CDH9: variants seen among roughly 807,000 people sequenced by gnomAD.
The protein encoded by CDH9 is cadherin 9, also known as cadherin-9.
A neutral mutation model predicts 70.9 loss-of-function variants in CDH9; 28 were observed. The observed-to-expected ratio is 0.40, with a 90% CI of 0.29 to 0.54. CDH9 has a LOEUF of 0.54. Among genes scored for constraint, CDH9 ranks in the 20% least tolerant of loss-of-function variants. The pLI, the probability that CDH9 is intolerant of heterozygous loss-of-function variation, is 0.59. For synonymous variants in CDH9, 409 were observed against 343.1 expected, an observed-to-expected ratio of 1.19 and a Z score of -2.12; for missense variants, 874 against 984.4, an observed-to-expected ratio of 0.89 and a Z score of 1.50.
intron 2 of CDH9, among the ~76,000 whole-genome samples, chr5:26,978,615 C>A: frequency 6.6e-6 from 1 of 150,526 alleles, no homozygotes. Context: ...ATTTTAAAAT[C>A]CAATGAAAAC....
In CDH9 at chr5:26,998,733, T is replaced by TA. The variant is rs945486992; in HGVS notation, c.-49-10352dup. Among the ~76,000 whole-genome samples the TA allele has an allele frequency of 9.3e-3, 1,352 of 144,614 alleles. 11 individuals are homozygous for TA. Among genetic ancestry groups the TA allele is most frequent in the African/African-American group, 0.015 (576 of 39,316 alleles). 94.9% of individuals were successfully genotyped at this position (144,614 alleles called of 152,430 possible). The stretch of plus-strand genomic sequence containing the variant: ...TACCCTAAAACTTAAAGTATAATAA[T>TA]AAAAAAAAAAGAAAATCAGAGGAAA... On this transcript the variant is annotated intron_variant, in intron 1 of 11. Transcript: ENST00000231021.
At position 26,915,685 on chromosome 5, in the gene CDH9, C is replaced by T. The variant is rs192967586; in HGVS notation, c.468G>A (p.Glu156=). ...IIKIHDINDN[E]PKFTKDLYTA... Reference sequence around the variant, plus strand: ...TGTATAAGTCTTTTGTAAATTTTGGCTCATTGTCATTGATATCATGTATTT... The same window carrying T: ...TGTATAAGTCTTTTGTAAATTTTGGTTCATTGTCATTGATATCATGTATTT... The change falls in exon 3 of 12, where the codon GAG becomes GAA. Residue 156 remains glutamate, a synonymous_variant. Coordinates refer to ENST00000231021, the MANE Select transcript of CDH9 (RefSeq NM_016279.4). 3 of 1,610,968 alleles carry T rather than the reference C, an allele frequency of 1.9e-6. No homozygotes were observed. In the East Asian group the frequency reaches 6.7e-5, roughly 36 times the overall value.
intron 2 of CDH9, among the ~76,000 whole-genome samples, chr5:26,935,895 A>G (rs1488462313): frequency 6.6e-6 from 1 of 152,210 alleles, no homozygotes; most frequent in Non-Finnish European, 1.5e-5. Flanking sequence ...TGGCATATAT[A>G]TATACCATGG....
At chr5:26,911,863 G>T (rs1244842819) in intron 3 of CDH9, among the ~76,000 whole-genome samples, 6 of 151,968 alleles carry the variant, frequency 3.9e-5, no homozygotes, top group African/African-American at 1.5e-4. Context: ...TTGGGCATTT[G>T]GCACTAAAAA....
chr5:26,916,926 G>A (rs1741159246), intron 2 of CDH9, among the ~76,000 whole-genome samples: 1 of 151,700 alleles, frequency 6.6e-6, no homozygotes, highest in Non-Finnish European at 1.5e-5. Context: ...CTATGTCTTA[G>A]GAAAAAATAG....
chr5:26,977,018 T>C (rs1457633825), intron 2 of CDH9, among the ~76,000 whole-genome samples: 1 of 152,040 alleles, frequency 6.6e-6, no homozygotes. Flanking sequence ...AATAGTCTAA[T>C]ATAATCATAG....
In CDH9 at chr5:26,881,152, T is replaced by A. The variant is rs374297584; in HGVS notation, c.2354A>T (p.Asp785Val). 3 of 1,608,242 alleles carry A rather than the reference T, an allele frequency of 1.9e-6. No homozygotes were observed. In the African/African-American group the frequency reaches 4.0e-5, roughly 22 times the overall value. ...ACAATCCTCTTAGTCTCGGTCACTA[T>A]CATCACCCCCATACATATCGGCAAG... ...KKLADMYGGD[D>V]SDRD Residue 785 changes from aspartate to valine, a missense_variant, in exon 12 of 12, where the codon GAT (aspartate) becomes GTT (valine). Asp to Val is a radical substitution (Grantham distance 152). Transcript: ENST00000231021.
chr5:26,910,875 T>A (rs1031353739), intron 3 of CDH9, among the ~76,000 whole-genome samples: 1 of 152,182 alleles, frequency 6.6e-6, no homozygotes, highest in African/African-American at 2.4e-5. Context: ...GGAGCAGGGG[T>A]AAACAGTGCC....
chr5:26,894,151 C>A (rs188888730), intron 7 of CDH9, among the ~76,000 whole-genome samples: 17 of 152,216 alleles, frequency 1.1e-4, no homozygotes, highest in Non-Finnish European at 1.5e-4. Flanking sequence ...GTAAATATTT[C>A]TCTCTATTGT....
At chr5:26,887,049 A>G (rs1239519208) in intron 9 of CDH9, among the ~76,000 whole-genome samples, 1 of 152,172 alleles carries the variant, frequency 6.6e-6, no homozygotes, top group Admixed American at 6.6e-5. Context: ...TTTTATAACT[A>G]TACTAACCTA....
chr5:26,915,995 C>T (rs750383051), intron 2 of CDH9, 71 bp from the exon 3 acceptor site: 79 of 1,074,658 alleles, frequency 7.4e-5, no homozygotes, highest in Non-Finnish European at 1.0e-4. Context: ...AATTTTGGCG[C>T]TATCAATTCG....
At chr5:26,882,941 T>C (rs1740491246) in intron 11 of CDH9, among the ~76,000 whole-genome samples, 1 of 150,642 alleles carries the variant, frequency 6.6e-6, no homozygotes, top group Non-Finnish European at 1.5e-5. Flanking sequence ...TTCTCAGCTC[T>C]TCCTAACTGA....
intron 1 of CDH9, among the ~76,000 whole-genome samples, chr5:27,024,836 C>G (rs1379211975): frequency 6.6e-6 from 1 of 151,996 alleles, no homozygotes; most frequent in East Asian, 1.9e-4. Flanking sequence ...TACTCTGTAG[C>G]TGAAAACATA....
intron 2 of CDH9, among the ~76,000 whole-genome samples, chr5:26,960,678 TA>T (rs751171269): frequency 6.9e-4 from 105 of 152,106 alleles, no homozygotes; most frequent in Non-Finnish European, 1.3e-3. Context: ...ATATACTAAA[TA>T]AATTTAGATA....
In CDH9 at chr5:26,890,595, A is replaced by T. The variant is rs761984153; in HGVS notation, c.1254-31T>A. The T allele has an allele frequency of 7.8e-6, 12 of 1,546,814 alleles. No individual in the cohort carries two copies. The East Asian group carries it at 2.7e-4, about 35-fold the overall frequency. ...AGAAGACAGACTCATAAATCCAGGC[A>T]TTCTTCTAAGGTTATTAGTTCTACT... On this transcript the variant is annotated intron_variant, in intron 7 of 11. Transcript: ENST00000231021.
intron 1 of CDH9, among the ~76,000 whole-genome samples, chr5:27,029,723 C>T (rs1443660974): frequency 2.0e-5 from 3 of 151,794 alleles, no homozygotes; most frequent in Admixed American, 1.3e-4. Flanking sequence ...TTCCTGATTA[C>T]GAGTCTAAAT....
chr5:26,951,585 T>TA (rs1287331710), intron 2 of CDH9, among the ~76,000 whole-genome samples: 2 of 152,208 alleles, frequency 1.3e-5, no homozygotes, highest in African/African-American at 4.8e-5. Context: ...CTGCCCATCT[T>TA]ACTTGGGGAC....
intron 1 of CDH9, among the ~76,000 whole-genome samples, chr5:27,026,984 A>T (rs962178964): frequency 6.6e-6 from 1 of 152,016 alleles, no homozygotes; most frequent in African/African-American, 2.4e-5. Flanking sequence ...TTGTTAATGC[A>T]ATTCAAGACT....
At chr5:26,961,130 AT>A (rs11302956) in intron 2 of CDH9, among the ~76,000 whole-genome samples, 2,640 of 152,134 alleles carry the variant, frequency 0.017, 73 homozygotes, top group African/African-American at 0.06. Context: ...TTTCCTATGT[AT>A]TTTAAGCTGA....
Sources: gnomAD v4.1 joint callset for allele counts (sites outside exome capture counted in the v4.1 genomes callset) on GRCh38, gnomAD v4.1.1 for gene constraint, MANE v1.5 for transcripts, NCBI Gene and HGNC (gene_info 2026-07-23, HGNC 2026-07-21) for gene names.